Variants in POLB observed in about 807,000 individuals in gnomAD.
POLB encodes 5'-dRP lyase.
POLB carries 37 observed loss-of-function variants against 52.7 expected under a neutral mutation model. The observed-to-expected ratio is 0.70, with a 90% CI of 0.54 to 0.92. The LOEUF is 0.92. Ranked by LOEUF, POLB falls within the 40% of genes least tolerant of loss-of-function variation. The pLI is 0.00. For missense variants in POLB, 313 were observed against 400.8 expected, an observed-to-expected ratio of 0.78 and a Z score of 1.87; for synonymous variants, 138 against 131.3, an observed-to-expected ratio of 1.05 and a Z score of -0.35.
chr8:42,342,544 TA>T (rs1822272352), intron 2 of POLB: 1 of 788,284 alleles, frequency 1.3e-6, no homozygotes, highest in Non-Finnish European at 2.2e-6. Context: ...TTTCTGAGCA[TA>T]GTAATCAGTT....
Position 42,368,225 on chromosome 8 carries a change from T to C in POLB, c.709-1046T>C, listed in dbSNP as rs955233939. On this transcript the variant is annotated intron_variant, in intron 11 of 13. Transcript: ENST00000265421. ...TCCGCATCCGCAAGGTAATACCTCCTGGTAATTCCAGGTGGAAATGACTTC... is the reference window on the plus strand; with the variant it reads ...TCCGCATCCGCAAGGTAATACCTCCCGGTAATTCCAGGTGGAAATGACTTC... Among the ~76,000 whole-genome samples the C allele has an allele frequency of 9.2e-5, 14 of 152,356 alleles. No homozygotes were observed. The East Asian group carries it at 2.3e-3, about 25-fold the overall frequency.
At chr8:42,354,688 C>T (rs936753743) in intron 6 of POLB, among the ~76,000 whole-genome samples, 5 of 151,532 alleles carry the variant, frequency 3.3e-5, no homozygotes, top group Non-Finnish European at 4.4e-5. Context: ...GGATTACAGG[C>T]GCGCACCACC....
At chr8:42,366,768 G>T (rs908036037) in intron 11 of POLB, among the ~76,000 whole-genome samples, 1 of 152,160 alleles carries the variant, frequency 6.6e-6, no homozygotes, top group Non-Finnish European at 1.5e-5. Flanking sequence ...CTTCTAAAAG[G>T]CCTGAGTTTT....
rs889353233 is a variant in POLB at position 42,351,811 on chromosome 8, C to T, written c.321-708C>T. Among the ~76,000 whole-genome samples the T allele has an allele frequency of 2.0e-5, 3 of 152,224 alleles. No individual in the cohort carries two copies. In the East Asian group the frequency reaches 5.8e-4, roughly 29 times the overall value. On this transcript the variant is annotated intron_variant, in intron 5 of 13. Coordinates refer to ENST00000265421, the MANE Select transcript of POLB (RefSeq NM_002690.3). Reference sequence around the variant, plus strand: ...CACTCAGAATAAAATCCAAACCTATCACCATGGCTCTAAAAGCACAGTAGA... The same window carrying T: ...CACTCAGAATAAAATCCAAACCTATTACCATGGCTCTAAAAGCACAGTAGA...
intron 11 of POLB, among the ~76,000 whole-genome samples, chr8:42,364,842 G>A (rs3136782): frequency 0.028 from 4,224 of 152,250 alleles, 200 homozygotes; most frequent in African/African-American, 0.095. Context: ...TTCAGTTGGG[G>A]AAGATGAAAA....
chr8:42,360,664 A>G (rs3136764), intron 9 of POLB, among the ~76,000 whole-genome samples: 1,910 of 152,292 alleles, frequency 0.013, 41 homozygotes, highest in African/African-American at 0.044. Context: ...AAATAGCTGT[A>G]TATAACTTGC....
chr8:42,347,482 C>T (rs1195326331), intron 3 of POLB, among the ~76,000 whole-genome samples: 2 of 151,226 alleles, frequency 1.3e-5, no homozygotes, highest in East Asian at 2.0e-4. Flanking sequence ...TTCTTAGTAA[C>T]GGAAGTAATA....
chr8:42,367,241 A>G (rs1380484721), intron 11 of POLB, among the ~76,000 whole-genome samples: 1 of 152,226 alleles, frequency 6.6e-6, no homozygotes, highest in Non-Finnish European at 1.5e-5. Flanking sequence ...TTAACAATGA[A>G]CATAATAAAT....
chr8:42,349,085 G>GA lies in POLB; in HGVS notation c.260dup (p.Ile88AspfsTer5). The GA allele has an allele frequency of 6.3e-7, 1 of 1,580,764 alleles. No homozygotes were observed. The highest frequency in any genetic ancestry group is 1.1e-5 in the South Asian group (1 of 89,474). On this transcript the variant is annotated frameshift_variant, in exon 4 of 14. Coordinates refer to ENST00000265421, the MANE Select transcript of POLB (RefSeq NM_002690.3). LOFTEE classifies it high-confidence loss of function. ...AGCAACTGGAAAATTACGTAAACTG[G>GA]AAAAGGTAAAATTTTAACTTGTTTA...
Position 42,371,154 on chromosome 8 carries a change from G to A in POLB, c.914-409G>A, listed in dbSNP as rs3136812. On this transcript the variant is annotated intron_variant, in intron 13 of 13. Coordinates refer to ENST00000265421, the MANE Select transcript of POLB (RefSeq NM_002690.3). ...GTCTTTTTTTTTGAAATGGAGTTTC[G>A]CTCTTGTTGCCCAGGCTGGAGTGCA... 4.2e-4 allele frequency among the ~76,000 whole-genome samples: 64 copies of A among 152,164 alleles called. 1 individual carries two copies. The Middle Eastern group carries it at 0.01, about 24-fold the overall frequency.
At chr8:42,338,973 C>T (rs755664186) in intron 1 of POLB, 39 bp from the exon 2 acceptor site, 47 of 1,560,634 alleles carry the variant, frequency 3.0e-5, no homozygotes, top group Non-Finnish European at 4.1e-5. Flanking sequence ...TTTGTTTACT[C>T]GTGGTTCTTG....
intron 11 of POLB, 148 bp downstream of exon 11, chr8:42,362,846 C>T (rs1355351723): frequency 2.1e-5 from 12 of 566,758 alleles, no homozygotes; most frequent in South Asian, 9.9e-5. Context: ...TAGCAGGGGC[C>T]GGGCGCGGTG....
intron 13 of POLB, chr8:42,370,259 G>GTTTTT (rs34271342): frequency 3.0e-4 from 88 of 290,526 alleles, no homozygotes; most frequent in Non-Finnish European, 4.5e-4. Context: ...ATCTAAAAGG[G>GTTTTT]TTTTTTTTTT....
At chr8:42,356,066 A>G (rs1392685252) in intron 7 of POLB, among the ~76,000 whole-genome samples, 3 of 152,192 alleles carry the variant, frequency 2.0e-5, no homozygotes, top group Non-Finnish European at 4.4e-5. Flanking sequence ...AGCATCAATA[A>G]TTATTTTGTG....
At chr8:42,347,289 ACTCCTCAGTAATT>A (rs1182010640) in intron 3 of POLB, among the ~76,000 whole-genome samples, 7 of 145,562 alleles carry the variant, frequency 4.8e-5, no homozygotes, top group Non-Finnish European at 7.6e-5. Flanking sequence ...TTCTAGAATT[ACTCCTCAGTAATT>A]CTAGAAATTA....
At chr8:42,363,700 G>A (rs1448814824) in intron 11 of POLB, among the ~76,000 whole-genome samples, 3 of 151,964 alleles carry the variant, frequency 2.0e-5, no homozygotes, top group African/African-American at 7.3e-5. Context: ...AGAATTGATT[G>A]AAAAATATTA....
At chr8:42,355,467 C>A in intron 6 of POLB, 49 bp from the exon 7 acceptor site, 2 of 1,062,118 alleles carry the variant, frequency 1.9e-6, no homozygotes, top group Non-Finnish European at 1.4e-6. Flanking sequence ...CATTTTCCCC[C>A]CAAAAAGCAT....
chr8:42,361,134 A>T (rs113133914), intron 9 of POLB, 161 bp from the exon 10 acceptor site: 7 of 702,164 alleles, frequency 1.0e-5, no homozygotes, highest in African/African-American at 1.7e-5. Flanking sequence ...ATAGTTGGAC[A>T]GAAAATTGAA....
chr8:42,349,444 A>G (rs1002951738), intron 4 of POLB, among the ~76,000 whole-genome samples: 1 of 152,198 alleles, frequency 6.6e-6, no homozygotes. Context: ...GCTGGAGTGC[A>G]GTGGCGCGAT....
Sources: gnomAD v4.1 joint callset for allele counts (sites outside exome capture counted in the v4.1 genomes callset) on GRCh38, gnomAD v4.1.1 for gene constraint, MANE v1.5 for transcripts, NCBI Gene and HGNC (gene_info 2026-07-23, HGNC 2026-07-21) for gene names.